The following MSRA variants were observed in gnomAD, a reference collection of about 807,000 sequenced individuals.
MSRA encodes the protein mitochondrial peptide methionine sulfoxide reductase.
In MSRA, 54 loss-of-function variants were observed where a neutral mutation model predicts 31.3. That is an observed-to-expected ratio of 1.73 (90% CI 1.39 to 2.17). MSRA has a LOEUF of 2.17. Ranked by LOEUF, MSRA falls within the 30% of genes most tolerant of loss-of-function variation. The probability of loss-of-function intolerance (pLI) is 0.00; values close to 1 mark genes in which losing one functional copy is unlikely to be tolerated. For missense variants in MSRA, 507 were observed against 300.9 expected (o/e 1.69, Z -5.07); for synonymous variants, 169 against 116.5 (o/e 1.45, Z -2.90).
chr8:10,427,650 C>T (rs1250456834), intron 5 of MSRA, among the ~76,000 whole-genome samples: 4 of 152,182 alleles, frequency 2.6e-5, no homozygotes, highest in African/African-American at 9.7e-5. Flanking sequence ...AGCTGGTGGG[C>T]AGATGCGATA....
intron 1 of MSRA, among the ~76,000 whole-genome samples, chr8:10,083,320 A>C (rs1228011191): frequency 1.3e-5 from 2 of 152,238 alleles, no homozygotes; most frequent in Non-Finnish European, 2.9e-5. Context: ...ATTGAGAGAC[A>C]TTTCCATGGA....
intron 3 of MSRA, among the ~76,000 whole-genome samples, chr8:10,300,448 G>A (rs1800781781): frequency 6.6e-6 from 1 of 152,040 alleles, no homozygotes; most frequent in Non-Finnish European, 1.5e-5. Flanking sequence ...TGGAGACGGG[G>A]TTACACCATG....
At chr8:10,095,928 A>G in intron 1 of MSRA, 1 of 1,337,658 alleles carries the variant, frequency 7.5e-7, no homozygotes, top group Middle Eastern at 2.8e-4. Flanking sequence ...AGAAGATGGC[A>G]AGGCAAATTT....
intron 5 of MSRA, among the ~76,000 whole-genome samples, chr8:10,343,820 C>T (rs1803595195): frequency 6.6e-6 from 1 of 152,154 alleles, no homozygotes; most frequent in Non-Finnish European, 1.5e-5. Context: ...AAAATAATCT[C>T]TTATAAATAA....
chr8:10,420,331 A>C (rs1389958157), intron 5 of MSRA, among the ~76,000 whole-genome samples: 1 of 149,342 alleles, frequency 6.7e-6, no homozygotes, highest in Non-Finnish European at 1.5e-5. Context: ...TTGTATTTTT[A>C]TTAGAATTAT....
intron 4 of MSRA, among the ~76,000 whole-genome samples, chr8:10,316,529 T>TCTCC (rs1801728925): frequency 5.4e-5 from 1 of 18,550 alleles, no homozygotes; most frequent in African/African-American, 2.9e-4. Flanking sequence ...TGATGATCCC[T>TCTCC]CTCTCTCTCT....
At chr8:10,222,384 G>C (rs1320646979) in intron 2 of MSRA, among the ~76,000 whole-genome samples, 1 of 152,138 alleles carries the variant, frequency 6.6e-6, no homozygotes, top group Non-Finnish European at 1.5e-5. Flanking sequence ...GCAAGTGTTG[G>C]TGAGGACTCT....
chr8:10,303,709 G>A (rs1196580688), intron 4 of MSRA, among the ~76,000 whole-genome samples: 1 of 152,168 alleles, frequency 6.6e-6, no homozygotes, highest in Non-Finnish European at 1.5e-5. Context: ...CTCCCCACAG[G>A]TGAGGAAGAG....
At chr8:10,169,034 C>T (rs571269155) in intron 1 of MSRA, among the ~76,000 whole-genome samples, 4 of 152,294 alleles carry the variant, frequency 2.6e-5, no homozygotes, top group Admixed American at 2.0e-4. Flanking sequence ...CTTTTGCATT[C>T]GTATGATTTT....
intron 1 of MSRA, among the ~76,000 whole-genome samples, chr8:10,074,800 A>C (rs1301897322): frequency 1.3e-5 from 2 of 152,096 alleles, no homozygotes; most frequent in Non-Finnish European, 2.9e-5. Context: ...CTGAGGTTAC[A>C]GGCACCTACC....
chr8:10,255,005 T>C (rs1391616827), intron 3 of MSRA, among the ~76,000 whole-genome samples: 2 of 152,234 alleles, frequency 1.3e-5, no homozygotes, highest in Non-Finnish European at 2.9e-5. Flanking sequence ...AATCTTTTCT[T>C]CAGGCAAAAA....
chr8:10,261,145 G>C (rs796513749), intron 3 of MSRA, among the ~76,000 whole-genome samples: 19 of 152,194 alleles, frequency 1.2e-4, no homozygotes, highest in African/African-American at 4.6e-4. Context: ...AAAAACTATA[G>C]TCTGCTGTGA....
Position 10,397,345 on chromosome 8 carries a change from C to T in MSRA, c.544-30803C>T, listed in dbSNP as rs1032085867. On this transcript the variant is annotated intron_variant, in intron 5 of 5. Transcript: ENST00000317173. ...CTTTGTAGGAGCTCAGGAAATGTTG[C>T]TTGGGTTGAGCTCATTTGAAATGAA... is the stretch of plus-strand genomic sequence containing the variant. 1.3e-5 allele frequency among the ~76,000 whole-genome samples: 2 copies of T among 152,180 alleles called. 1 individual carries two copies. The highest frequency in any genetic ancestry group is 1.3e-4 in the Admixed American group (2 of 15,278).
At chr8:10,171,942 T>G (rs17151244) in intron 1 of MSRA, among the ~76,000 whole-genome samples, 12,209 of 152,310 alleles carry the variant, frequency 0.08, 581 homozygotes, top group African/African-American at 0.13. Flanking sequence ...ATGTGAAGTC[T>G]GAAGTATCTG....
At chr8:10,240,344 T>C (rs1382509964) in intron 2 of MSRA, among the ~76,000 whole-genome samples, 1 of 152,154 alleles carries the variant, frequency 6.6e-6, no homozygotes, top group African/African-American at 2.4e-5. Flanking sequence ...TGCATGCTGT[T>C]GGGCCATGTG....
At position 10,395,235 on chromosome 8, in the gene MSRA, G is replaced by A. The variant is rs1437118105; in HGVS notation, c.544-32913G>A. On this transcript the variant is annotated intron_variant, in intron 5 of 5. Coordinates refer to ENST00000317173, the MANE Select transcript of MSRA (RefSeq NM_012331.5). ...AGATGTGTAGGGTTTTTAACAAGCA[G>A]TGGAAGCATGTGTGTGTGCATACGT... 4.6e-5 allele frequency among the ~76,000 whole-genome samples: 7 copies of A among 152,238 alleles called. No homozygotes were observed. The South Asian group carries it at 1.0e-3, about 23-fold the overall frequency.
intron 3 of MSRA, among the ~76,000 whole-genome samples, chr8:10,272,484 A>G (rs1467658545): frequency 6.6e-6 from 1 of 152,202 alleles, no homozygotes. Context: ...GTTTTGTTCT[A>G]TTCAGGCCTT....
chr8:10,121,599 G>T (rs962815023), intron 1 of MSRA, among the ~76,000 whole-genome samples: 1 of 152,090 alleles, frequency 6.6e-6, no homozygotes, highest in Non-Finnish European at 1.5e-5. Context: ...TCATTAATTT[G>T]CCTATGTGAT....
chr8:10,222,282 T>A (rs1184938779), intron 2 of MSRA, among the ~76,000 whole-genome samples: 1 of 152,182 alleles, frequency 6.6e-6, no homozygotes, highest in African/African-American at 2.4e-5. Context: ...TTTTCATAGT[T>A]TTGTAAGGTT....
Sources: gnomAD v4.1 joint callset for allele counts (sites outside exome capture counted in the v4.1 genomes callset) on GRCh38, gnomAD v4.1.1 for gene constraint, MANE v1.5 for transcripts, NCBI Gene and HGNC (gene_info 2026-07-23, HGNC 2026-07-21) for gene names.